Variants in LRCH1 observed in about 807,000 individuals in gnomAD.
LRCH1 encodes leucine rich repeats and calponin homology domain containing 1.
Under a neutral mutation model 94.9 loss-of-function variants are expected in LRCH1, and 23 were observed. That is an observed-to-expected ratio of 0.24 (90% confidence interval 0.17 to 0.34). The LOEUF (loss-of-function observed/expected upper bound fraction) is 0.34, where lower values mean the gene tolerates loss of function less well. LRCH1 is among the 10% of genes least tolerant of loss of function. LRCH1 has a pLI of 1.00. For synonymous variants in LRCH1, 364 were observed against 354.9 expected (o/e 1.03, Z -0.29); for missense variants, 790 against 945.9 (o/e 0.84, Z 2.16).
intron 1 of LRCH1, among the ~76,000 whole-genome samples, chr13:46,595,411 T>C (rs1265747657): frequency 6.6e-6 from 1 of 152,180 alleles, no homozygotes; most frequent in East Asian, 1.9e-4. Flanking sequence ...CCAGGCTGTT[T>C]CCATATTGCA....
intron 5 of LRCH1, 102 bp downstream of exon 5, chr13:46,686,143 T>A: frequency 8.5e-7 from 1 of 1,183,166 alleles, no homozygotes; most frequent in Non-Finnish European, 1.1e-6. Context: ...TGAAAATCAC[T>A]AATCACTGGC....
At chr13:46,593,281 T>G (rs575096923) in intron 1 of LRCH1, among the ~76,000 whole-genome samples, 1 of 119,504 alleles carries the variant, frequency 8.4e-6, no homozygotes, top group African/African-American at 3.2e-5. Context: ...TTTCTTTCTT[T>G]CCTTTTTTTT....
chr13:46,699,258 A>G, intron 9 of LRCH1, 78 bp from the exon 10 acceptor site: 1 of 1,097,144 alleles, frequency 9.1e-7, no homozygotes, highest in Admixed American at 1.7e-5. Context: ...GCTGTTATAA[A>G]CATGGGCTGG....
intron 1 of LRCH1, among the ~76,000 whole-genome samples, chr13:46,579,864 A>G (rs1025786348): frequency 6.6e-6 from 1 of 152,246 alleles, no homozygotes. Context: ...GACAATTTAA[A>G]ATGTCAAAGC....
intron 1 of LRCH1, among the ~76,000 whole-genome samples, chr13:46,649,113 T>C (rs561008868): frequency 2.0e-5 from 3 of 152,336 alleles, no homozygotes; most frequent in African/African-American, 4.8e-5. Context: ...TTTTGCTTAT[T>C]TGTATATTTA....
At chr13:46,616,446 A>G (rs887904384) in intron 1 of LRCH1, among the ~76,000 whole-genome samples, 1 of 152,212 alleles carries the variant, frequency 6.6e-6, no homozygotes, top group Non-Finnish European at 1.5e-5. Flanking sequence ...CATAAGCCTG[A>G]CAGCACGGTG....
chr13:46,705,192 C>T, intron 12 of LRCH1, 35 bp downstream of exon 12: 3 of 1,588,116 alleles, frequency 1.9e-6, no homozygotes, highest in Non-Finnish European at 2.6e-6. Flanking sequence ...TATGTTTTCT[C>T]TTTTCATAAT....
intron 13 of LRCH1, among the ~76,000 whole-genome samples, chr13:46,708,320 C>T (rs1411960283): frequency 6.7e-6 from 1 of 150,076 alleles, no homozygotes; most frequent in Admixed American, 6.6e-5. Flanking sequence ...TCTTGTCGCC[C>T]AGGTTGAAGT....
intron 11 of LRCH1, among the ~76,000 whole-genome samples, 163 bp from the exon 12 acceptor site, chr13:46,704,905 A>ATATTTTG (rs1871670272): frequency 6.6e-6 from 1 of 152,156 alleles, no homozygotes; most frequent in Non-Finnish European, 1.5e-5. Context: ...GTGGGAAAAT[A>ATATTTTG]CCATGCACTT....
chr13:46,683,669 T>C (rs1870457007), intron 4 of LRCH1, among the ~76,000 whole-genome samples: 1 of 152,216 alleles, frequency 6.6e-6, no homozygotes, highest in Non-Finnish European at 1.5e-5. Flanking sequence ...TTGCCTGTCA[T>C]AGTCTGGAAA....
At chr13:46,727,773 G>A (rs915207612) in intron 17 of LRCH1, among the ~76,000 whole-genome samples, 3 of 152,168 alleles carry the variant, frequency 2.0e-5, no homozygotes, top group African/African-American at 4.8e-5. Flanking sequence ...CAAAGGGTAC[G>A]TGGAACCTCT....
rs1230988879 is a variant in LRCH1, at chr13:46,592,084, C to T, written c.307+38381C>T. Among the ~76,000 whole-genome samples, 3 of 152,228 alleles carry T rather than the reference C, an allele frequency of 2.0e-5. No homozygotes were observed. In the East Asian group the frequency reaches 5.8e-4, roughly 29 times the overall value. On this transcript the variant is annotated intron_variant, in intron 1 of 19. Coordinates refer to ENST00000389797, the MANE Select transcript of LRCH1 (RefSeq NM_001164211.2). The stretch of plus-strand genomic sequence containing the variant: ...CCGTAGCTCAAGTCCTCATTTTGAA[C>T]ATAGGATTGCAATGCTGAGCCCCTA...
intron 19 of LRCH1, among the ~76,000 whole-genome samples, chr13:46,740,144 G>A (rs549528169): frequency 6.6e-6 from 1 of 152,282 alleles, no homozygotes; most frequent in African/African-American, 2.4e-5. Flanking sequence ...TATTGCAATA[G>A]AAAACTTTTC....
intron 1 of LRCH1, among the ~76,000 whole-genome samples, chr13:46,580,298 A>G (rs1395885305): frequency 6.6e-6 from 1 of 152,190 alleles, no homozygotes; most frequent in African/African-American, 2.4e-5. Context: ...AAGATAGTGA[A>G]GAGAGTTATT....
chr13:46,576,551 C>T (rs569954744), intron 1 of LRCH1, among the ~76,000 whole-genome samples: 1 of 152,128 alleles, frequency 6.6e-6, no homozygotes, highest in Admixed American at 6.6e-5. Context: ...TGATTAGAGC[C>T]CTGAGCTTTA....
At chr13:46,688,241 A>G (rs537925039) in intron 6 of LRCH1, among the ~76,000 whole-genome samples, 11 of 152,360 alleles carry the variant, frequency 7.2e-5, no homozygotes, top group African/African-American at 2.2e-4. Flanking sequence ...ATCAATAATC[A>G]GTTCTTCCTG....
intron 4 of LRCH1, among the ~76,000 whole-genome samples, chr13:46,684,090 A>G (rs2138146322): frequency 6.6e-6 from 1 of 152,320 alleles, no homozygotes; most frequent in East Asian, 1.9e-4. Context: ...TGGTTTTACT[A>G]CAACAACTGC....
intron 1 of LRCH1, among the ~76,000 whole-genome samples, chr13:46,562,093 T>C (rs887086797): frequency 2.0e-5 from 3 of 152,192 alleles, no homozygotes; most frequent in African/African-American, 7.2e-5. Flanking sequence ...CTCTCTTTCC[T>C]CTTTCCTACA....
intron 2 of LRCH1, among the ~76,000 whole-genome samples, chr13:46,656,730 A>C (rs866376): frequency 0.68 from 103,210 of 152,212 alleles, 35,210 homozygotes; most frequent in Middle Eastern, 0.75. Flanking sequence ...CTGGGCATCT[A>C]TTTTCAAGGT....
Sources: allele counts gnomAD v4.1 joint callset (sites outside exome capture counted in the v4.1 genomes callset), GRCh38; gene constraint gnomAD v4.1.1; transcripts MANE v1.5; gene names NCBI Gene and HGNC (gene_info 2026-07-23, HGNC 2026-07-21).